The following LRP1 variants were observed in gnomAD, a reference collection of about 807,000 sequenced individuals.
The protein encoded by LRP1 is prolow-density lipoprotein receptor-related protein 1.
Under a neutral mutation model 541.5 loss-of-function variants are expected in LRP1, and 51 were observed. The ratio of observed to expected loss-of-function variants is 0.09; its 90% CI spans 0.08 to 0.12. The LOEUF (loss-of-function observed/expected upper bound fraction) is 0.12. Among genes scored for constraint, LRP1 ranks in the 10% least tolerant of loss-of-function variants. The pLI is 1.00. For missense variants in LRP1, 3,878 were observed against 6,376.2 expected, an observed-to-expected ratio of 0.61 and a Z score of 13.34; for synonymous variants, 2,219 against 2,470.8, an observed-to-expected ratio of 0.90 and a Z score of 3.02.
chr12:57,164,703 A>AATC (rs1307673331), intron 15 of LRP1: 1 of 152,238 alleles, frequency 6.6e-6, no homozygotes, highest in Admixed American at 6.5e-5. Flanking sequence ...CCTGTTTTGT[A>AATC]ATCATGCCTC....
chr12:57,187,006 A>G (rs1277855670), intron 41 of LRP1, among the ~76,000 whole-genome samples: 1 of 152,226 alleles, frequency 6.6e-6, no homozygotes, highest in African/African-American at 2.4e-5. Context: ...GAAAGTGCAA[A>G]CACACCAGAA....
chr12:57,145,346 A>G lies in LRP1; in HGVS notation c.697A>G (p.Met233Val), dbSNP rs779587545. 1.2e-6 allele frequency: 2 copies of G among 1,614,028 alleles called. No individual in the cohort carries two copies. Among genetic ancestry groups the G allele is most frequent in the East Asian group, 2.2e-5 (1 of 44,890 alleles). ...TACGAGCACGCGGCAGACCACAGCC[A>G]TGGACTTCAGCTATGCCAACGAGAC... The part of the protein sequence containing the change: ...TPTSTRQTTA[M>V]DFSYANETVC... Residue 233 changes from methionine (M) to valine (V), a missense_variant, in exon 6 of 89, where the codon ATG becomes GTG. Transcript: ENST00000243077.
At chr12:57,163,239 A>G (rs2035774302) in intron 15 of LRP1, among the ~76,000 whole-genome samples, 1 of 152,226 alleles carries the variant, frequency 6.6e-6, no homozygotes, top group Admixed American at 6.5e-5. Context: ...ATGGACAGCT[A>G]TGGATGGAAG....
intron 13 of LRP1, among the ~76,000 whole-genome samples, chr12:57,161,420 C>T (rs897233725): frequency 2.0e-5 from 3 of 152,172 alleles, no homozygotes; most frequent in African/African-American, 4.8e-5. Context: ...TGCGCCTCCT[C>T]ATGTGTGTGC....
In LRP1 at chr12:57,198,027, G is replaced by A; in HGVS notation, c.9283-129G>A. Reference sequence around the variant, plus strand: ...CCAGGACTGGGCATTTTACTTCCATGGTTCTCCCACCAGAGCTGTCAGAGG... The same window carrying A: ...CCAGGACTGGGCATTTTACTTCCATAGTTCTCCCACCAGAGCTGTCAGAGG... On this transcript the variant is annotated intron_variant, in intron 58 of 88. Transcript: ENST00000243077. 5.3e-6 allele frequency: 4 copies of A among 757,408 alleles called. No individual in the cohort carries two copies. The South Asian group carries it at 7.3e-5, about 14-fold the overall frequency. 46.9% of individuals were successfully genotyped at this position (757,408 alleles called of 1,614,324 possible).
Position 57,210,189 on chromosome 12 carries a change from G to C in LRP1, c.12580+20G>C. On this transcript the variant is annotated intron_variant, in intron 81 of 88. Coordinates refer to ENST00000243077, the MANE Select transcript of LRP1 (RefSeq NM_002332.3). ...CAGATGGTATGCTTATGCCCTCCCAGTCCCAGCCATGCCTCAGGACCATCT... is the reference window on the plus strand; with the variant it reads ...CAGATGGTATGCTTATGCCCTCCCACTCCCAGCCATGCCTCAGGACCATCT... 2 of 1,576,284 alleles carry C rather than the reference G, an allele frequency of 1.3e-6. No homozygotes were observed. Among genetic ancestry groups the C allele is most frequent in the East Asian group, 2.2e-5 (1 of 44,456 alleles).
At chr12:57,176,642 T>C (rs1257428585) in intron 24 of LRP1, among the ~76,000 whole-genome samples, 1 of 152,242 alleles carries the variant, frequency 6.6e-6, no homozygotes, top group Non-Finnish European at 1.5e-5. Flanking sequence ...TAATACAAAC[T>C]TGAATTTGAA....
chr12:57,187,503 G>C (rs776204324), intron 42 of LRP1, 47 bp downstream of exon 42: 8 of 1,572,808 alleles, frequency 5.1e-6, no homozygotes, highest in South Asian at 1.2e-5. Context: ...GGTGGGACTC[G>C]GGGTGGCAGA....
Position 57,173,363 on chromosome 12 carries a change from G to A in LRP1, c.3346+13G>A, listed in dbSNP as rs1182932734. On this transcript the variant is annotated intron_variant, in intron 21 of 88. Transcript: ENST00000243077. This position sits in a 1 kb window ranked among gnomAD's most constrained non-coding sequence, Gnocchi z 4.7. ...TGCAAGGACTCAGGTGAAGAGGATG[G>A]TTGGAGGGCGTCTGGAACAGCACAA... The A allele has an allele frequency of 1.2e-6, 2 of 1,610,070 alleles. No individual in the cohort carries two copies. Among genetic ancestry groups the A allele is most frequent in the Non-Finnish European group, 1.7e-6 (2 of 1,177,224 alleles).
chr12:57,200,171 T>C, intron 62 of LRP1, 146 bp downstream of exon 62: 1 of 693,488 alleles, frequency 1.4e-6, no homozygotes. Context: ...CTACCTCTTG[T>C]CTCCCCACAG....
At chr12:57,195,207 C>T in intron 51 of LRP1, 64 bp from the exon 52 acceptor site, 1 of 1,598,310 alleles carries the variant, frequency 6.3e-7, no homozygotes, top group Non-Finnish European at 8.6e-7. Flanking sequence ...CGAACCATCA[C>T]CTCCACTGCT....
rs2035853190 is a variant in LRP1, at chr12:57,166,979, C to T, written c.2847C>T (p.Ile949=). Residue 949 remains isoleucine (I), a synonymous_variant, in exon 18 of 89, where the codon ATC becomes ATT. Coordinates refer to ENST00000243077, the MANE Select transcript of LRP1 (RefSeq NM_002332.3). ...NQFSCASGRC[I]PISWTCDLDD... ...TCTCCTGTGCCAGTGGCCGCTGCAT[C>T]CCCATCTCCTGGACGTGTGATCTGG... The T allele has an allele frequency of 6.2e-7, 1 of 1,614,140 alleles. No individual in the cohort carries two copies. The highest frequency in any genetic ancestry group is 8.5e-7 in the Non-Finnish European group (1 of 1,180,010).
intron 1 of LRP1, among the ~76,000 whole-genome samples, chr12:57,130,668 G>A (rs368034547): frequency 3.3e-5 from 5 of 152,224 alleles, no homozygotes; most frequent in African/African-American, 1.2e-4. Context: ...TTGAAGGAGG[G>A]TGGCTAGAGT....
In LRP1 at chr12:57,177,329, G is replaced by A; in HGVS notation, c.4196+84G>A. ...CTGGCCAGGGACACCTTACTCCTCA[G>A]TGCCATCTGCCTCCTCCCACCCTCT... On this transcript the variant is annotated intron_variant, in intron 25 of 88. Coordinates refer to ENST00000243077, the MANE Select transcript of LRP1 (RefSeq NM_002332.3). This position sits in a 1 kb window ranked among gnomAD's most constrained non-coding sequence, Gnocchi z 6.8. The A allele has an allele frequency of 6.4e-7, 1 of 1,568,114 alleles. No homozygotes were observed. The highest frequency in any genetic ancestry group is 8.7e-7 in the Non-Finnish European group (1 of 1,147,708).
chr12:57,205,558 A>C lies in LRP1; in HGVS notation c.11471A>C (p.Asp3824Ala). 1 of 1,613,980 alleles carries C rather than the reference A, an allele frequency of 6.2e-7. No individual in the cohort carries two copies. The highest frequency in any genetic ancestry group is 8.5e-7 in the Non-Finnish European group (1 of 1,180,000). The change falls in exon 75 of 89, where the codon GAC becomes GCC. Residue 3824 changes from aspartate to alanine, a missense_variant and splice_region_variant. Physicochemically the swap from Asp to Ala is moderately radical, Grantham distance 126. Transcript: ENST00000243077. The surrounding 1 kb of genome is among the most constrained non-coding windows in gnomAD (Gnocchi z 4.6). ...TCATGACCCTCCCTGTAACCCTTAG[A>C]CATCAACGAGTGCCTGCGCTTCGGC... ...HTVPGQPGCQ[D>A]INECLRFGTC...
intron 80 of LRP1, 67 bp from the exon 81 acceptor site, chr12:57,209,962 C>T (rs1565757522): frequency 2.5e-6 from 4 of 1,586,650 alleles, no homozygotes; most frequent in Non-Finnish European, 3.4e-6. Context: ...GAGGGGGTCA[C>T]CCTGGGCTCA....
intron 6 of LRP1, chr12:57,149,776 A>G (rs906543621): frequency 1.3e-5 from 9 of 709,164 alleles, no homozygotes; most frequent in Admixed American, 5.9e-5. Context: ...GGGACCCAGC[A>G]GGAAACAAGG....
chr12:57,167,934 A>C (rs2035871839), intron 19 of LRP1, among the ~76,000 whole-genome samples: 1 of 152,238 alleles, frequency 6.6e-6, no homozygotes, highest in African/African-American at 2.4e-5. Context: ...CCCACCTGGC[A>C]GATAGCCATG....
chr12:57,182,998 G>T (rs2036196520), intron 34 of LRP1, among the ~76,000 whole-genome samples: 1 of 152,196 alleles, frequency 6.6e-6, no homozygotes, highest in African/African-American at 2.4e-5. Flanking sequence ...GCACCAAACT[G>T]GAAGTCTAGA....
Sources: allele counts gnomAD v4.1 joint callset (sites outside exome capture counted in the v4.1 genomes callset), GRCh38; gene constraint gnomAD v4.1.1; non-coding constraint Gnocchi (gnomAD v3.1); transcripts MANE v1.5; gene names NCBI Gene and HGNC (gene_info 2026-07-23, HGNC 2026-07-21).